Variants in SLC17A6 observed in about 807,000 individuals in gnomAD.
SLC17A6 encodes the protein vesicular glutamate transporter 2.
Under a neutral mutation model 67.1 loss-of-function variants are expected in SLC17A6, and 35 were observed. The ratio of observed to expected loss-of-function variants is 0.52; its 90% CI spans 0.40 to 0.69. SLC17A6 has a LOEUF of 0.69. Among genes scored for constraint, SLC17A6 ranks in the 30% least tolerant of loss-of-function variants. The probability of loss-of-function intolerance (pLI) is 0.00; values close to 1 mark genes in which losing one functional copy is unlikely to be tolerated. For synonymous variants in SLC17A6, 285 were observed against 252.3 expected (o/e 1.13, Z -1.23); for missense variants, 588 against 723.9 (o/e 0.81, Z 2.15).
intron 3 of SLC17A6, among the ~76,000 whole-genome samples, chr11:22,348,761 A>G (rs1855905493): frequency 6.6e-6 from 1 of 152,240 alleles, no homozygotes; most frequent in African/African-American, 2.4e-5. Flanking sequence ...AAAATTTACT[A>G]GTGTACATTT....
In SLC17A6 at chr11:22,365,561, GTC is replaced by G; in HGVS notation, c.765_766del (p.Trp256ValfsTer10). On this transcript the variant is annotated frameshift_variant, in exon 7 of 12. Transcript: ENST00000263160. LOFTEE classifies it high-confidence loss of function. ...GTTGCTTGCAGGAAGCTTTGGAATG[GTC>G]TGGTACATGTTTTGGCTTTTGGTGT... ...VFYVYGSFGM[V>X]WYMFWLLVSY... 6.2e-7 allele frequency: 1 copy of G among 1,613,930 alleles called. No individual in the cohort carries two copies. The highest frequency in any genetic ancestry group is 8.5e-7 in the Non-Finnish European group (1 of 1,179,866).
chr11:22,365,187 G>A (rs1856097159), intron 6 of SLC17A6, among the ~76,000 whole-genome samples: 2 of 152,138 alleles, frequency 1.3e-5, no homozygotes, highest in African/African-American at 2.4e-5. Context: ...TTGAGGACAG[G>A]AATTTTGTTT....
chr11:22,373,720 A>G (rs1048810478), intron 8 of SLC17A6, among the ~76,000 whole-genome samples: 97 of 152,202 alleles, frequency 6.4e-4, no homozygotes, highest in African/African-American at 2.2e-3. Context: ...TTTAATAAGA[A>G]CACTATTAAA....
At chr11:22,368,666 G>C (rs1056238657) in intron 7 of SLC17A6, among the ~76,000 whole-genome samples, 2 of 151,952 alleles carry the variant, frequency 1.3e-5, no homozygotes, top group Non-Finnish European at 2.9e-5. Context: ...TAGTATTCTG[G>C]AGTCATTTCT....
At chr11:22,359,089 A>G (rs2133868797) in intron 3 of SLC17A6, among the ~76,000 whole-genome samples, 1 of 152,334 alleles carries the variant, frequency 6.6e-6, no homozygotes, top group East Asian at 1.9e-4. Flanking sequence ...ACATTGTAGA[A>G]TGAAATAGAG....
At chr11:22,344,191 T>C (rs887598997) in intron 3 of SLC17A6, among the ~76,000 whole-genome samples, 3 of 152,280 alleles carry the variant, frequency 2.0e-5, no homozygotes, top group African/African-American at 2.4e-5. Context: ...ACAGAACACA[T>C]GCACCAGCTC....
chr11:22,344,534 C>T (rs4606475), intron 3 of SLC17A6, among the ~76,000 whole-genome samples: 6,482 of 152,130 alleles, frequency 0.043, 400 homozygotes, highest in East Asian at 0.29. Flanking sequence ...GGTTTTGGGG[C>T]AGTGCTTTAA....
chr11:22,341,453 G>T, intron 1 of SLC17A6, 75 bp from the exon 2 acceptor site: 1 of 1,555,228 alleles, frequency 6.4e-7, no homozygotes. Flanking sequence ...GACGGGTCCT[G>T]AAAAATGGGA....
intron 6 of SLC17A6, 73 bp from the exon 7 acceptor site, chr11:22,365,474 A>G (rs1856100787): frequency 6.9e-7 from 1 of 1,451,018 alleles, no homozygotes; most frequent in African/African-American, 1.4e-5. Flanking sequence ...TTGTCTTGAG[A>G]TGATTGCAGT....
intron 4 of SLC17A6, 102 bp downstream of exon 4, chr11:22,359,629 G>A: frequency 1.8e-6 from 1 of 548,096 alleles, no homozygotes. Context: ...GTATTAGGTT[G>A]CATCTAAATA....
chr11:22,372,060 A>C (rs1297106872), intron 8 of SLC17A6, among the ~76,000 whole-genome samples: 1 of 152,092 alleles, frequency 6.6e-6, no homozygotes, highest in East Asian at 1.9e-4. Context: ...TTATTTAAGA[A>C]GTGCAGCCAA....
chr11:22,351,506 C>T lies in SLC17A6; in HGVS notation c.459-7907C>T, dbSNP rs184213921. Among the ~76,000 whole-genome samples the T allele has an allele frequency of 5.0e-3, 767 of 152,156 alleles. 1 individual carries two copies. The highest frequency in any genetic ancestry group is 7.6e-3 in the Non-Finnish European group (515 of 68,006). On this transcript the variant is annotated intron_variant, in intron 3 of 11. Transcript: ENST00000263160. ...CTCTTGAGAAAACTGAATACAGAAT[C>T]GTTTTCCCCGATACACTAGATGGTA...
intron 3 of SLC17A6, among the ~76,000 whole-genome samples, chr11:22,343,980 G>A (rs1284847439): frequency 1.3e-5 from 2 of 152,094 alleles, no homozygotes; most frequent in African/African-American, 2.4e-5. Flanking sequence ...CACAACCAAG[G>A]TCCTAGCGCC....
chr11:22,365,020 T>A (rs902717111), intron 6 of SLC17A6, among the ~76,000 whole-genome samples: 1 of 152,150 alleles, frequency 6.6e-6, no homozygotes, highest in African/African-American at 2.4e-5. Context: ...TAGCCACTCA[T>A]GCTAAAATAT....
At chr11:22,343,187 G>A (rs1855838691) in intron 2 of SLC17A6, 60 bp from the exon 3 acceptor site, 14 of 1,404,578 alleles carry the variant, frequency 1.0e-5, no homozygotes, top group African/African-American at 1.4e-5. Context: ...ACCACTGAAA[G>A]TGAGCCTTTG....
At position 22,338,455 on chromosome 11, in the gene SLC17A6, A is replaced by T; in HGVS notation, c.-79A>T. 9.5e-7 allele frequency: 1 copy of T among 1,047,546 alleles called. No individual in the cohort carries two copies. Among genetic ancestry groups the T allele is most frequent in the Non-Finnish European group, 1.5e-6 (1 of 679,256 alleles). 64.9% of individuals were successfully genotyped at this position (1,047,546 alleles called of 1,614,324 possible). On this transcript the variant is annotated 5_prime_UTR_variant, in exon 1 of 12. Coordinates refer to ENST00000263160, the MANE Select transcript of SLC17A6 (RefSeq NM_020346.3). ...AAGCCCGCAACTACTTTAAGAGATT[A>T]AGACAATATGCGCAATCCTCGCCTT... is the stretch of plus-strand genomic sequence containing the variant.
intron 6 of SLC17A6, among the ~76,000 whole-genome samples, chr11:22,363,416 A>G (rs1856074545): frequency 6.6e-6 from 1 of 152,210 alleles, no homozygotes; most frequent in South Asian, 2.1e-4. Context: ...TTCACTTTGT[A>G]ACTATTTCAA....
chr11:22,365,684 A>T lies in SLC17A6; in HGVS notation c.886A>T (p.Met296Leu). 6.2e-7 allele frequency: 1 copy of T among 1,612,796 alleles called. No homozygotes were observed. ...IGESANLLGA[M>L]EKFKTPWRKF... ...AGAGAGTGCAAATCTTTTAGGTGCA[A>T]TGGAAGTAAGAAATTTATTATGGTG... The change falls in exon 7 of 12, where the codon ATG (methionine) becomes TTG (leucine). Residue 296 changes from methionine to leucine, a missense_variant. Met to Leu is a conservative substitution (Grantham distance 15). Around this residue, in one of 4 missense-constraint regions of SLC17A6, gnomAD observed 414 missense variants for 563.4 expected, o/e 0.73. Transcript: ENST00000263160.
rs375847776 is a variant in SLC17A6, at chr11:22,339,091, T to TTA, written c.86+482_86+483dup. 4.2e-3 allele frequency among the ~76,000 whole-genome samples: 338 copies of TTA among 80,728 alleles called. 13 individuals carry two copies. The highest frequency in any genetic ancestry group is 7.2e-3 in the Non-Finnish European group (267 of 36,996). The allele number at this position is 80,728 out of a possible 152,430, so 53.0% of individuals were successfully genotyped here. A position where few individuals can be genotyped will look rare whatever the true frequency, so the allele number is the denominator to read the frequency against. ...TATATATATATGTTATATATATATG[T>TTA]TATATATATATGTTATATATATATG... On this transcript the variant is annotated intron_variant, in intron 1 of 11. Coordinates refer to ENST00000263160, the MANE Select transcript of SLC17A6 (RefSeq NM_020346.3).
Sources: allele counts gnomAD v4.1 joint callset (sites outside exome capture counted in the v4.1 genomes callset), GRCh38; gene constraint gnomAD v4.1.1; regional missense constraint gnomAD v4.1.1; transcripts MANE v1.5; gene names NCBI Gene and HGNC (gene_info 2026-07-23, HGNC 2026-07-21).